The following PCNX2 variants were observed in gnomAD, a reference collection of about 807,000 sequenced individuals.
PCNX2 encodes pecanex-like protein 2.
In PCNX2, 168 loss-of-function variants were observed where a neutral mutation model predicts 223.8. The observed-to-expected ratio is 0.75, with a 90% confidence interval of 0.66 to 0.85. The LOEUF is 0.85. Ranked by LOEUF, PCNX2 falls within the 40% of genes least tolerant of loss-of-function variation. The pLI is 0.00. For synonymous variants in PCNX2, 1,006 were observed against 1,052.6 expected (o/e 0.96, Z 0.86); for missense variants, 2,507 against 2,675.5 (o/e 0.94, Z 1.39).
At chr1:233,205,637 A>G (rs1681399650) in intron 13 of PCNX2, among the ~76,000 whole-genome samples, 1 of 152,066 alleles carries the variant, frequency 6.6e-6, no homozygotes, top group Admixed American at 6.6e-5. Flanking sequence ...CAGAGGTTGC[A>G]GTGAACCTAG....
At chr1:233,274,264 A>G (rs1202611346) in intron 1 of PCNX2, among the ~76,000 whole-genome samples, 1 of 152,216 alleles carries the variant, frequency 6.6e-6, no homozygotes, top group Non-Finnish European at 1.5e-5. Flanking sequence ...CACTACTGAC[A>G]TCTTGGGCCA....
chr1:233,030,694 G>A (rs1671233126), intron 25 of PCNX2, among the ~76,000 whole-genome samples: 1 of 152,128 alleles, frequency 6.6e-6, no homozygotes, highest in South Asian at 2.1e-4. Context: ...GTCTTTTGGG[G>A]GTCTCAACTA....
At chr1:233,090,228 A>G in intron 22 of PCNX2, 38 bp from the exon 23 acceptor site, 1 of 1,589,658 alleles carries the variant, frequency 6.3e-7, no homozygotes, top group Non-Finnish European at 8.5e-7. Flanking sequence ...AAAAATTATG[A>G]TTCTTAGATT....
At chr1:233,270,061 C>CCATT (rs61266415) in intron 1 of PCNX2, among the ~76,000 whole-genome samples, 16,307 of 152,074 alleles carry the variant, frequency 0.11, 1,027 homozygotes, top group South Asian at 0.19. Flanking sequence ...TCATCCATCC[C>CCATT]CATTCATTCA....
the PCNX2 span, among the ~76,000 whole-genome samples, chr1:233,307,967 G>A: frequency 3.9e-5 from 6 of 152,164 alleles, no homozygotes; most frequent in Non-Finnish European, 7.4e-5. Flanking sequence ...AGTCTTCTTG[G>A]AACAGGTCAC....
chr1:233,072,282 C>T lies in PCNX2; in HGVS notation c.4077-14992G>A, dbSNP rs1443898166. 5.9e-5 allele frequency among the ~76,000 whole-genome samples: 9 copies of T among 152,242 alleles called. No homozygotes were observed. The South Asian group carries it at 1.4e-3, about 25-fold the overall frequency. ...AGGGTTTTTATAGTTTTGGGTTTTA[C>T]GTTTAAGTCTTTAATTCAACTTGAG... On this transcript the variant is annotated intron_variant, in intron 23 of 33. Transcript: ENST00000258229.
At chr1:233,093,185 G>A (rs558131111) in intron 22 of PCNX2, among the ~76,000 whole-genome samples, 8 of 152,306 alleles carry the variant, frequency 5.3e-5, no homozygotes, top group African/African-American at 1.4e-4. Context: ...CCCAATCTCC[G>A]GGTTTACTAT....
At position 233,198,982 on chromosome 1, in the gene PCNX2, A is replaced by C. The variant is rs1327225045; in HGVS notation, c.3023T>G (p.Leu1008Trp). The change falls in exon 15 of 34, where the codon TTG (leucine) becomes TGG (tryptophan). Residue 1008 changes from leucine to tryptophan, a missense_variant. Leu to Trp is a moderately conservative substitution (Grantham distance 61, BLOSUM62 -2). This residue lies in a region of PCNX2 where 1,372 missense variants were observed against 1,509.4 expected (regional missense o/e 0.91). Coordinates refer to ENST00000258229, the MANE Select transcript of PCNX2 (RefSeq NM_014801.4). Reference sequence around the variant, plus strand: ...GACTGCGTGGAGCAGGGCGGCAGCCAAGACGCTCCGGGCCACACTGTAAAC... The same window carrying C: ...GACTGCGTGGAGCAGGGCGGCAGCCCAGACGCTCCGGGCCACACTGTAAAC... The part of the protein sequence containing the change: ...SAVYSVARSV[L>W]AAALLHAVCF... 6.2e-7 allele frequency: 1 copy of C among 1,606,216 alleles called. No homozygotes were observed. The highest frequency in any genetic ancestry group is 1.3e-5 in the African/African-American group (1 of 74,942).
intron 1 of PCNX2, among the ~76,000 whole-genome samples, chr1:233,275,620 A>C (rs1487290239): frequency 1.3e-5 from 2 of 152,240 alleles, no homozygotes; most frequent in Non-Finnish European, 2.9e-5. Context: ...TCAAAAAATT[A>C]ATAGAATTAA....
intron 25 of PCNX2, chr1:233,047,398 C>A: frequency 3.0e-6 from 3 of 985,270 alleles, no homozygotes; most frequent in Non-Finnish European, 3.6e-6. Context: ...CCTTTAAACT[C>A]AAAGATTGGT....
intron 21 of PCNX2, among the ~76,000 whole-genome samples, chr1:233,114,555 G>A (rs544772897): frequency 5.6e-4 from 85 of 152,266 alleles, no homozygotes; most frequent in Non-Finnish European, 1.1e-3. Flanking sequence ...CTTCAGAGAC[G>A]TTTGGTTTCT....
At chr1:232,989,180 C>T (rs184263637) in intron 32 of PCNX2, among the ~76,000 whole-genome samples, 79 of 152,340 alleles carry the variant, frequency 5.2e-4, no homozygotes, top group Non-Finnish European at 9.7e-4. Flanking sequence ...CTCGGCCGGG[C>T]ACGGTGGCTC....
chr1:233,079,335 C>G (rs1479475140), intron 23 of PCNX2, among the ~76,000 whole-genome samples: 2 of 151,818 alleles, frequency 1.3e-5, no homozygotes, highest in Non-Finnish European at 2.9e-5. Context: ...CCAGACTGGC[C>G]AATGTAGTGA....
chr1:233,261,974 C>G, intron 3 of PCNX2, 71 bp downstream of exon 3: 2 of 1,585,538 alleles, frequency 1.3e-6, no homozygotes, highest in Non-Finnish European at 1.7e-6. Flanking sequence ...TGCTGCTGAA[C>G]ACTCCCATTC....
At chr1:233,254,711 T>C (rs1166823849) in intron 5 of PCNX2, among the ~76,000 whole-genome samples, 1 of 151,872 alleles carries the variant, frequency 6.6e-6, no homozygotes. Context: ...ACTTTTTTTT[T>C]TTTTTACAAA....
rs572729257 is a variant in PCNX2 at position 233,272,717 on chromosome 1, G to T, written c.154-9554C>A. Among the ~76,000 whole-genome samples, 13 of 152,174 alleles carry T rather than the reference G, an allele frequency of 8.5e-5. No homozygotes were observed. The South Asian group carries it at 2.7e-3, about 32-fold the overall frequency. On this transcript the variant is annotated intron_variant, in intron 1 of 33. Transcript: ENST00000258229. ...AGGCATGTTTATAGCAGCACAATTC[G>T]CAATTGCAAAAATACGGAACCAGCC...
At chr1:233,208,393 G>C (rs1438371244) in intron 13 of PCNX2, 125 bp downstream of exon 13, 1 of 1,059,330 alleles carries the variant, frequency 9.4e-7, no homozygotes, top group East Asian at 2.6e-5. Flanking sequence ...AGATATGCAA[G>C]CCAAGAGGAA....
intron 28 of PCNX2, among the ~76,000 whole-genome samples, chr1:233,006,835 T>C (rs1670301643): frequency 6.6e-6 from 1 of 152,126 alleles, no homozygotes; most frequent in Non-Finnish European, 1.5e-5. Flanking sequence ...TTAAGTGTGA[T>C]TTGCAGGCTG....
intron 12 of PCNX2, chr1:233,211,702 C>T: frequency 2.2e-6 from 2 of 912,024 alleles, no homozygotes; most frequent in Non-Finnish European, 2.6e-6. Flanking sequence ...CCTCTACCAA[C>T]CATGGGGAGG....
Sources: gnomAD v4.1 joint callset for allele counts (sites outside exome capture counted in the v4.1 genomes callset) on GRCh38, gnomAD v4.1.1 for gene constraint, gnomAD v4.1.1 regional missense constraint, MANE v1.5 for transcripts, NCBI Gene and HGNC (gene_info 2026-07-23, HGNC 2026-07-21) for gene names.